ZNF407: variants seen among roughly 807,000 people sequenced by gnomAD.
The protein encoded by ZNF407 is zinc finger protein 407.
In ZNF407, 17 loss-of-function variants were observed where a neutral mutation model predicts 131.2. The ratio of observed to expected loss-of-function variants is 0.13; its 90% CI spans 0.09 to 0.19. The LOEUF (loss-of-function observed/expected upper bound fraction) is 0.19, where lower values mean the gene tolerates loss of function less well. Ranked by LOEUF, ZNF407 falls within the 10% of genes least tolerant of loss-of-function variation. The probability of loss-of-function intolerance (pLI) is 1.00; values close to 1 mark genes in which losing one functional copy is unlikely to be tolerated. For synonymous variants in ZNF407, 1,156 were observed against 1,062.0 expected (o/e 1.09, Z -1.72); for missense variants, 2,681 against 2,830.6 (o/e 0.95, Z 1.20).
rs373279175 is a variant in ZNF407, at chr18:74,635,165, G to T, written c.4146G>T (p.Thr1382=). The T allele has an allele frequency of 4.3e-6, 7 of 1,613,982 alleles. No individual in the cohort carries two copies. In the East Asian group the frequency reaches 1.6e-4, roughly 36 times the overall value. ...AGTCTGAAGAGGGCTTGATAGCAACGGGAGTGAGAATTAGTGAGCTGCCCT... is the reference window on the plus strand; with the variant it reads ...AGTCTGAAGAGGGCTTGATAGCAACTGGAGTGAGAATTAGTGAGCTGCCCT... ...IDQSEEGLIA[T]GVRISELPLK... is the part of the protein sequence containing the mutation. Residue 1382 remains threonine (T), a synonymous_variant, in exon 2 of 9, where the codon ACG becomes ACT. Transcript: ENST00000299687. This position sits in a 1 kb window ranked among gnomAD's most constrained non-coding sequence, Gnocchi z 4.7.
At chr18:74,855,612 C>T (rs1036667706) in intron 4 of ZNF407, among the ~76,000 whole-genome samples, 2 of 152,118 alleles carry the variant, frequency 1.3e-5, no homozygotes, top group Admixed American at 6.5e-5. Flanking sequence ...TTAATACATA[C>T]AGATTATGTT....
chr18:74,715,423 A>G (rs72969693), intron 3 of ZNF407, among the ~76,000 whole-genome samples: 1 of 152,172 alleles, frequency 6.6e-6, no homozygotes, highest in Non-Finnish European at 1.5e-5. Context: ...CAAGAAAGTC[A>G]TGCAGCCAGT....
intron 8 of ZNF407, among the ~76,000 whole-genome samples, chr18:74,946,917 T>C (rs1972159599): frequency 6.6e-6 from 1 of 152,244 alleles, no homozygotes; most frequent in South Asian, 2.1e-4. Context: ...TCATATGAAC[T>C]GATAGACTTT....
In ZNF407 at chr18:74,632,481, A is replaced by G; in HGVS notation, c.1462A>G (p.Arg488Gly). The G allele has an allele frequency of 6.2e-7, 1 of 1,614,042 alleles. No homozygotes were observed. The highest frequency in any genetic ancestry group is 1.7e-5 in the Admixed American group (1 of 60,024). ...KHLEACSSVQRVCVTTSETQE... is the reference protein window; with the variant it reads ...KHLEACSSVQGVCVTTSETQE... ...CCTGGAAGCGTGCAGCAGTGTGCAG[A>G]GAGTGTGTGTGACTACCTCAGAAAC... The change falls in exon 2 of 9, where the codon AGA becomes GGA. Residue 488 changes from arginine (R) to glycine (G), a missense_variant. Physicochemically the swap from Arg to Gly is moderately radical, Grantham distance 125. Coordinates refer to ENST00000299687, the MANE Select transcript of ZNF407 (RefSeq NM_017757.3).
At chr18:74,665,492 C>T (rs1326259895) in intron 3 of ZNF407, among the ~76,000 whole-genome samples, 1 of 152,142 alleles carries the variant, frequency 6.6e-6, no homozygotes, top group Non-Finnish European at 1.5e-5. Flanking sequence ...GATTACAGTT[C>T]ATTGACCAGA....
intron 3 of ZNF407, among the ~76,000 whole-genome samples, chr18:74,680,170 C>G (rs543427054): frequency 1.3e-5 from 2 of 152,040 alleles, no homozygotes; most frequent in Non-Finnish European, 2.9e-5. Flanking sequence ...GTGGGCAGAT[C>G]CATTGAGCCA....
At chr18:74,787,951 T>C (rs1044663438) in intron 4 of ZNF407, among the ~76,000 whole-genome samples, 1 of 152,188 alleles carries the variant, frequency 6.6e-6, no homozygotes, top group Non-Finnish European at 1.5e-5. Context: ...GAAGAATTAT[T>C]TCTCTCTGGT....
At chr18:74,805,135 T>G (rs570249439) in intron 4 of ZNF407, among the ~76,000 whole-genome samples, 1 of 152,388 alleles carries the variant, frequency 6.6e-6, no homozygotes, top group Non-Finnish European at 1.5e-5. Context: ...TTTTGTATGA[T>G]GAAAGACTAT....
At chr18:74,921,372 A>C (rs111510967) in intron 8 of ZNF407, among the ~76,000 whole-genome samples, 2 of 152,204 alleles carry the variant, frequency 1.3e-5, no homozygotes, top group Admixed American at 6.5e-5. Flanking sequence ...TTGAGTGCCA[A>C]ATTCTGTGCA....
chr18:75,002,060 G>C (rs1246986776), intron 8 of ZNF407, among the ~76,000 whole-genome samples: 1 of 152,220 alleles, frequency 6.6e-6, no homozygotes, highest in Non-Finnish European at 1.5e-5. Flanking sequence ...AAAGAAACAG[G>C]AGGAAACCAA....
intron 4 of ZNF407, among the ~76,000 whole-genome samples, chr18:74,813,918 T>C (rs771602765): frequency 1.6e-4 from 25 of 152,190 alleles, no homozygotes; most frequent in Non-Finnish European, 3.5e-4. Context: ...AATTAGTCTT[T>C]AAAATTGTAT....
At chr18:74,824,715 T>C (rs747023707) in intron 4 of ZNF407, among the ~76,000 whole-genome samples, 2 of 152,278 alleles carry the variant, frequency 1.3e-5, no homozygotes, top group African/African-American at 4.8e-5. Flanking sequence ...ATTGAGACAG[T>C]AGTCAATAGC....
chr18:74,904,535 T>C (rs1327955151), intron 7 of ZNF407, among the ~76,000 whole-genome samples: 1 of 152,212 alleles, frequency 6.6e-6, no homozygotes, highest in Non-Finnish European at 1.5e-5. Flanking sequence ...TCAGTGGGAC[T>C]CTTCCTGAAA....
At chr18:74,705,677 C>T (rs888064838) in intron 3 of ZNF407, among the ~76,000 whole-genome samples, 1 of 151,822 alleles carries the variant, frequency 6.6e-6, no homozygotes, top group African/African-American at 2.4e-5. Flanking sequence ...CCTTTATTAA[C>T]GATTAAATAA....
chr18:74,635,855 C>T lies in ZNF407; in HGVS notation c.4687+149C>T. The T allele has an allele frequency of 1.9e-6, 2 of 1,044,500 alleles. No individual in the cohort carries two copies. Among genetic ancestry groups the T allele is most frequent in the Non-Finnish European group, 2.6e-6 (2 of 756,288 alleles). 64.7% of individuals were successfully genotyped at this position (1,044,500 alleles called of 1,614,324 possible). ...GCTGCTCTGCTTGTCTGCAATAAGTCATTGTTGACACTTAACATTTTTAAG... is the reference window on the plus strand; with the variant it reads ...GCTGCTCTGCTTGTCTGCAATAAGTTATTGTTGACACTTAACATTTTTAAG... On this transcript the variant is annotated intron_variant, in intron 2 of 8. Transcript: ENST00000299687. The surrounding 1 kb of genome is among the most constrained non-coding windows in gnomAD (Gnocchi z 4.7).
chr18:75,063,826 C>T lies in ZNF407; in HGVS notation c.6105C>T (p.Pro2035=), dbSNP rs775556185. 61 of 1,607,214 alleles carry T rather than the reference C, an allele frequency of 3.8e-5. No homozygotes were observed. Among genetic ancestry groups the T allele is most frequent in the East Asian group, 2.0e-4 (9 of 44,806 alleles). The change falls in exon 9 of 9, where the codon CCC becomes CCT. Residue 2035 remains proline (P), a synonymous_variant. Transcript: ENST00000299687. The surrounding 1 kb of genome is among the most constrained non-coding windows in gnomAD (Gnocchi z 6.6). ...GQEVSHVAAD[P]EAPEIQMFPQ... ...AGGTCTCCCATGTGGCTGCCGACCCCGAGGCCCCCGAGATCCAGATGTTCC... is the reference window on the plus strand; with the variant it reads ...AGGTCTCCCATGTGGCTGCCGACCCTGAGGCCCCCGAGATCCAGATGTTCC...
At chr18:74,966,641 A>C (rs1972413242) in intron 8 of ZNF407, among the ~76,000 whole-genome samples, 2 of 152,122 alleles carry the variant, frequency 1.3e-5, no homozygotes, top group African/African-American at 4.8e-5. Flanking sequence ...AGTTTTGGCT[A>C]TTCTGGGTCT....
intron 8 of ZNF407, among the ~76,000 whole-genome samples, chr18:75,040,777 T>G (rs1973363456): frequency 6.6e-6 from 1 of 151,978 alleles, no homozygotes. Context: ...TTCAGTAAGT[T>G]TTTTTTTACA....
chr18:74,644,020 A>G (rs1189448119), intron 3 of ZNF407, among the ~76,000 whole-genome samples: 2 of 152,006 alleles, frequency 1.3e-5, no homozygotes. Context: ...GTTAGGATTA[A>G]GAGTTCAGAA....
Sources: allele counts gnomAD v4.1 joint callset (sites outside exome capture counted in the v4.1 genomes callset), GRCh38; gene constraint gnomAD v4.1.1; non-coding constraint Gnocchi (gnomAD v3.1); transcripts MANE v1.5; gene names NCBI Gene and HGNC (gene_info 2026-07-23, HGNC 2026-07-21).